ARK2N: variants seen among roughly 807,000 people sequenced by gnomAD.
The protein encoded by ARK2N is arkadia (RNF111) N-terminal like PKA signaling regulator 2N, also known as protein ARK2N.
the ARK2N span, among the ~76,000 whole-genome samples, chr18:46,256,136 T>C: frequency 6.6e-6 from 1 of 152,242 alleles, no homozygotes; most frequent in Non-Finnish European, 1.5e-5. Flanking sequence ...AGGGACATAT[T>C]ATTCATTCAC....
the ARK2N span, among the ~76,000 whole-genome samples, chr18:46,234,965 G>C: frequency 6.6e-6 from 1 of 152,102 alleles, no homozygotes; most frequent in East Asian, 1.9e-4. Flanking sequence ...GGGTCAAAGG[G>C]GCCAACCATG....
At chr18:46,209,402 AGATT>A in the ARK2N span, among the ~76,000 whole-genome samples, 2 of 151,140 alleles carry the variant, frequency 1.3e-5, no homozygotes, top group African/African-American at 4.9e-5. Flanking sequence ...TTTCTCTTCC[AGATT>A]TTCACAAGTA....
At chr18:46,264,056 A>G in the ARK2N span, 9 of 152,430 alleles carry the variant, frequency 5.9e-5, no homozygotes, top group East Asian at 1.7e-3. Flanking sequence ...CTGTATAAAG[A>G]GTATGTAGCA....
chr18:46,179,826 T>C, the ARK2N span, among the ~76,000 whole-genome samples: 1 of 152,052 alleles, frequency 6.6e-6, no homozygotes, highest in African/African-American at 2.4e-5. Context: ...GGTTTCTCCA[T>C]GTTAGTCAGG....
the ARK2N span, chr18:46,217,362 CTGAA>C: frequency 1.3e-5 from 2 of 152,162 alleles, no homozygotes; most frequent in East Asian, 3.9e-4. Context: ...AAAGATGTAT[CTGAA>C]TGGTTCTTAA....
the ARK2N span, among the ~76,000 whole-genome samples, chr18:46,221,429 G>C: frequency 6.6e-6 from 1 of 150,558 alleles, no homozygotes; most frequent in Non-Finnish European, 1.5e-5. Flanking sequence ...GTGTGGTGGC[G>C]CGCGTCTGTA....
At chr18:46,208,538 C>T in the ARK2N span, among the ~76,000 whole-genome samples, 52 of 138,208 alleles carry the variant, frequency 3.8e-4, no homozygotes, top group Non-Finnish European at 6.0e-4. Flanking sequence ...GGCGTGATCT[C>T]GGCTCACTGC....
chr18:46,188,208 A>G, the ARK2N span, among the ~76,000 whole-genome samples: 3 of 152,034 alleles, frequency 2.0e-5, no homozygotes, highest in African/African-American at 7.3e-5. Flanking sequence ...TCTTATATAT[A>G]TATATTTTTG....
the ARK2N span, among the ~76,000 whole-genome samples, chr18:46,259,947 G>T: frequency 1.6e-4 from 18 of 109,654 alleles, no homozygotes; most frequent in Admixed American, 7.0e-4. Context: ...TGTCGAACTT[G>T]TGAGCTCAAG....
the ARK2N span, among the ~76,000 whole-genome samples, chr18:46,238,376 G>A: frequency 1.3e-5 from 2 of 152,150 alleles, no homozygotes; most frequent in Non-Finnish European, 2.9e-5. Context: ...ACATCACACA[G>A]TATCTTGATT....
chr18:46,202,599 C>G, the ARK2N span, among the ~76,000 whole-genome samples: 4 of 151,948 alleles, frequency 2.6e-5, no homozygotes, highest in Non-Finnish European at 4.4e-5. Flanking sequence ...ACCAGCCTGA[C>G]CAACGTAGCG....
chr18:46,184,113 C>T, the ARK2N span, among the ~76,000 whole-genome samples: 1 of 152,146 alleles, frequency 6.6e-6, no homozygotes, highest in Non-Finnish European at 1.5e-5. Flanking sequence ...GCCTCAGCCT[C>T]CTGAGTAGCT....
the ARK2N span, among the ~76,000 whole-genome samples, chr18:46,223,746 C>T: frequency 6.6e-6 from 1 of 152,042 alleles, no homozygotes; most frequent in Non-Finnish European, 1.5e-5. Flanking sequence ...AGTCCATTGG[C>T]TTTGGGGATA....
chr18:46,256,749 AT>A, the ARK2N span, among the ~76,000 whole-genome samples: 1 of 152,120 alleles, frequency 6.6e-6, no homozygotes, highest in African/African-American at 2.4e-5. Flanking sequence ...TCTTTGGGGT[AT>A]TTTTCACTGA....
the ARK2N span, among the ~76,000 whole-genome samples, chr18:46,240,569 G>A: frequency 6.6e-5 from 10 of 152,158 alleles, no homozygotes; most frequent in African/African-American, 9.7e-5. Context: ...ATAGGGAATC[G>A]TTGAATCTCT....
the ARK2N span, among the ~76,000 whole-genome samples, chr18:46,191,815 C>CCT: frequency 2.1e-3 from 322 of 152,236 alleles, no homozygotes; most frequent in African/African-American, 7.2e-3. Context: ...CTGTGCTCGG[C>CCT]CTCTTCATTC....
the ARK2N span, among the ~76,000 whole-genome samples, chr18:46,257,335 G>A: frequency 6.6e-6 from 1 of 151,850 alleles, no homozygotes; most frequent in African/African-American, 2.4e-5. Context: ...CTCCTTTTTT[G>A]ATAGTTATTT....
chr18:46,188,722 C>A, the ARK2N span, among the ~76,000 whole-genome samples: 5 of 152,052 alleles, frequency 3.3e-5, no homozygotes, highest in Admixed American at 3.3e-4. Flanking sequence ...TTTAAAAAAT[C>A]AAAATGTTGG....
At chr18:46,197,424 G>T in the ARK2N span, among the ~76,000 whole-genome samples, 1 of 152,110 alleles carries the variant, frequency 6.6e-6, no homozygotes, top group Non-Finnish European at 1.5e-5. Context: ...AGTAGAAACG[G>T]GGTTTCACCG....
Sources: gnomAD v4.1 joint callset for allele counts (sites outside exome capture counted in the v4.1 genomes callset) on GRCh38, gnomAD v4.1.1 for gene constraint, MANE v1.5 for transcripts, NCBI Gene and HGNC (gene_info 2026-07-23, HGNC 2026-07-21) for gene names.